The following USO1 variants were observed in gnomAD, a reference collection of about 807,000 sequenced individuals.
USO1 encodes the protein general vesicular transport factor p115.
A neutral mutation model predicts 124.5 loss-of-function variants in USO1; 57 were observed. The ratio of observed to expected loss-of-function variants is 0.46; its 90% confidence interval spans 0.37 to 0.57. The LOEUF is 0.57. Among genes scored for constraint, USO1 ranks in the 20% least tolerant of loss-of-function variants. The probability of loss-of-function intolerance (pLI) is 0.00; values close to 1 mark genes in which losing one functional copy is unlikely to be tolerated. For missense variants in USO1, 900 were observed against 1,040.6 expected, an observed-to-expected ratio of 0.86 and a Z score of 1.86; for synonymous variants, 369 against 362.8, an observed-to-expected ratio of 1.02 and a Z score of -0.19.
At chr4:75,796,573 A>G (rs1458936087) in intron 13 of USO1, among the ~76,000 whole-genome samples, 2 of 152,006 alleles carry the variant, frequency 1.3e-5, no homozygotes, top group African/African-American at 4.8e-5. Flanking sequence ...TGATGATCGC[A>G]GGTGATCCAC....
chr4:75,796,372 G>A (rs996224980), intron 13 of USO1, among the ~76,000 whole-genome samples: 1 of 80,570 alleles, frequency 1.2e-5, no homozygotes, highest in Non-Finnish European at 2.9e-5. Context: ...GTCTCACTCC[G>A]TTGCCCAGAC....
chr4:75,797,292 A>T (rs1385678360), intron 13 of USO1, among the ~76,000 whole-genome samples: 1 of 151,970 alleles, frequency 6.6e-6, no homozygotes. Flanking sequence ...TGAGATACAG[A>T]TCCACTGATC....
chr4:75,805,127 G>C lies in USO1; in HGVS notation c.2126-13G>C, dbSNP rs144739614. On this transcript the variant is annotated splice_polypyrimidine_tract_variant and intron_variant, in intron 18 of 23. Transcript: ENST00000514213. ...TTCCCGTTGGCTTTTAAAATGTTAT[G>C]TCTGTCTAACAGGAAAAGACAATCA... The C allele has an allele frequency of 3.5e-4, 543 of 1,549,340 alleles. 5 individuals are homozygous for C. The East Asian group carries it at 0.012, about 35-fold the overall frequency.
chr4:75,747,867 G>A lies in USO1; in HGVS notation c.67-4506G>A, dbSNP rs1353965725. Among the ~76,000 whole-genome samples, 21 of 146,624 alleles carry A rather than the reference G, an allele frequency of 1.4e-4. 1 individual carries two copies. The highest frequency in any genetic ancestry group is 4.8e-4 in the Admixed American group (7 of 14,540). The stretch of plus-strand genomic sequence containing the variant: ...CCTGACCTCCTGATCCGCCCACCTC[G>A]GCCTCCCAGAGTGCTGAGCCACCTC... On this transcript the variant is annotated intron_variant, in intron 1 of 23. Transcript: ENST00000514213.
At chr4:75,737,238 T>C (rs1429419245) in intron 1 of USO1, among the ~76,000 whole-genome samples, 1 of 152,192 alleles carries the variant, frequency 6.6e-6, no homozygotes, top group Admixed American at 6.5e-5. Context: ...AATAGTAATA[T>C]TGCCTATCTT....
chr4:75,724,707 AGCAGTAGGAGT>A lies in USO1; in HGVS notation c.-111_-101del. 9.6e-7 allele frequency: 1 copy of A among 1,042,814 alleles called. No homozygotes were observed. The highest frequency in any genetic ancestry group is 1.4e-6 in the Non-Finnish European group (1 of 721,384). The allele number at this position is 1,042,814 out of a possible 1,614,324, so 64.6% of individuals were successfully genotyped here. A position where few individuals can be genotyped will look rare whatever the true frequency, so the allele number is the denominator to read the frequency against. On this transcript the variant is annotated 5_prime_UTR_variant, in exon 1 of 24. It removes the in-frame stop codon of an upstream open reading frame in the 5' UTR. Coordinates refer to ENST00000514213, the MANE Select transcript of USO1 (RefSeq NM_003715.4). ...CCGCCGAGTTGGAGGCGGTGGTGGCAGCAGTAGGAGTGTGTAGAGTGCGGGATTGGGGCCCA... is the reference window on the plus strand; with the variant it reads ...CCGCCGAGTTGGAGGCGGTGGTGGCAGTGTAGAGTGCGGGATTGGGGCCCA...
At chr4:75,731,022 T>C (rs887904052) in intron 1 of USO1, among the ~76,000 whole-genome samples, 1 of 152,174 alleles carries the variant, frequency 6.6e-6, no homozygotes, top group Non-Finnish European at 1.5e-5. Flanking sequence ...AACGATGTCC[T>C]TTTGAAAAGC....
intron 13 of USO1, among the ~76,000 whole-genome samples, chr4:75,798,821 AGTTTT>A (rs3059599): frequency 6.6e-6 from 1 of 152,068 alleles, no homozygotes; most frequent in Non-Finnish European, 1.5e-5. Context: ...ATTTCAAACA[AGTTTT>A]GTTTTGTTTT....
At chr4:75,798,792 T>C (rs954253333) in intron 13 of USO1, among the ~76,000 whole-genome samples, 1 of 152,072 alleles carries the variant, frequency 6.6e-6, no homozygotes, top group African/African-American at 2.4e-5. Context: ...TGCATTACTA[T>C]TCTGATTTTC....
chr4:75,812,889 T>C (rs1427162309), intron 23 of USO1, among the ~76,000 whole-genome samples: 2 of 152,100 alleles, frequency 1.3e-5, no homozygotes, highest in African/African-American at 4.8e-5. Context: ...GGTGGGCAGA[T>C]TACCTGAGGT....
chr4:75,744,326 C>CT (rs1285746946), intron 1 of USO1, among the ~76,000 whole-genome samples: 1 of 152,274 alleles, frequency 6.6e-6, no homozygotes, highest in Middle Eastern at 3.4e-3. Context: ...TTTAACTTTC[C>CT]TAAACCCCAG....
intron 14 of USO1, among the ~76,000 whole-genome samples, chr4:75,799,970 G>A (rs1426394046): frequency 6.7e-6 from 1 of 149,616 alleles, no homozygotes; most frequent in Non-Finnish European, 1.5e-5. Flanking sequence ...TTGAAATGAA[G>A]TCTTGCTCTG....
At chr4:75,790,607 T>C (rs1373126941) in intron 11 of USO1, 36 bp from the exon 12 acceptor site, 2 of 1,578,916 alleles carry the variant, frequency 1.3e-6, no homozygotes, top group Non-Finnish European at 1.7e-6. Flanking sequence ...TGGGTTGCAA[T>C]GTTTCATTTT....
At chr4:75,725,263 T>C (rs569300476) in intron 1 of USO1, among the ~76,000 whole-genome samples, 1 of 152,202 alleles carries the variant, frequency 6.6e-6, no homozygotes, top group African/African-American at 2.4e-5. Flanking sequence ...TTCGCTCGTC[T>C]GCACTGGCCG....
chr4:75,731,852 T>G (rs1720641961), intron 1 of USO1, among the ~76,000 whole-genome samples: 1 of 152,332 alleles, frequency 6.6e-6, no homozygotes, highest in Admixed American at 6.5e-5. Context: ...AGTTACTGAA[T>G]ACTTAAAAAA....
intron 4 of USO1, 117 bp from the exon 5 acceptor site, chr4:75,770,320 CTG>C (rs1313497537): frequency 5.6e-6 from 5 of 887,674 alleles, no homozygotes; most frequent in Admixed American, 6.7e-5. Context: ...ACCAGCCACA[CTG>C]TTCCAGTGTT....
intron 13 of USO1, among the ~76,000 whole-genome samples, chr4:75,795,056 A>G (rs943286421): frequency 8.5e-5 from 13 of 152,326 alleles, no homozygotes; most frequent in Admixed American, 8.5e-4. Context: ...TGAAATTACA[A>G]TGAATGCCTG....
Position 75,790,790 on chromosome 4 carries a change from C to T in USO1, c.1233C>T (p.Thr411=). 2 of 1,588,954 alleles carry T rather than the reference C, an allele frequency of 1.3e-6. No homozygotes were observed. Among genetic ancestry groups the T allele is most frequent in the Non-Finnish European group, 1.7e-6 (2 of 1,170,642 alleles). Residue 411 remains threonine (T), a synonymous_variant, in exon 12 of 24, where the codon ACC becomes ACT. Transcript: ENST00000514213. ...TCGTGTCAACACTTTTACCTTCTACCATTGATGGTAAATAATTTAGTTCTA... is the reference window on the plus strand; with the variant it reads ...TCGTGTCAACACTTTTACCTTCTACTATTGATGGTAAATAATTTAGTTCTA... ...GEIVSTLLPS[T]IDATGNSVSA...
At position 75,808,843 on chromosome 4, in the gene USO1, T is replaced by G. The variant is rs566392673; in HGVS notation, c.2377-110T>G. On this transcript the variant is annotated intron_variant, in intron 20 of 23. Coordinates refer to ENST00000514213, the MANE Select transcript of USO1 (RefSeq NM_003715.4). ...TCAAGAATAGTTCTTTAGAGTTAGA[T>G]TTTAAAAGTAGGAGGTTGTAAATCA... is the stretch of plus-strand genomic sequence containing the variant. The G allele has an allele frequency of 4.2e-5, 54 of 1,282,158 alleles. No individual in the cohort carries two copies. The East Asian group carries it at 1.5e-3, about 35-fold the overall frequency. The allele number at this position is 1,282,158 out of a possible 1,614,324, so 79.4% of individuals were successfully genotyped here. A position where few individuals can be genotyped will look rare whatever the true frequency, so the allele number is the denominator to read the frequency against.
Sources: allele counts gnomAD v4.1 joint callset (sites outside exome capture counted in the v4.1 genomes callset), GRCh38; gene constraint gnomAD v4.1.1; transcripts MANE v1.5; gene names NCBI Gene and HGNC (gene_info 2026-07-23, HGNC 2026-07-21).